Variants in NETO1 observed in about 807,000 individuals in gnomAD.
NETO1 encodes the protein neuropilin and tolloid-like protein 1.
NETO1 carries 26 observed loss-of-function variants against 61.3 expected under a neutral mutation model. The ratio of observed to expected loss-of-function variants is 0.42; its 90% confidence interval spans 0.31 to 0.59. The LOEUF is 0.59. Among genes scored for constraint, NETO1 ranks in the 20% least tolerant of loss-of-function variants. The pLI, the probability that NETO1 is intolerant of heterozygous loss-of-function variation, is 0.12. For synonymous variants in NETO1, 225 were observed against 225.8 expected, an observed-to-expected ratio of 1.00 and a Z score of 0.03; for missense variants, 531 against 662.8, an observed-to-expected ratio of 0.80 and a Z score of 2.18.
At chr18:72,810,008 G>A (rs556960041) in intron 4 of NETO1, among the ~76,000 whole-genome samples, 1 of 152,260 alleles carries the variant, frequency 6.6e-6, no homozygotes, top group South Asian at 2.1e-4. Context: ...ATCTAAATAT[G>A]TATGAAACTT....
At chr18:72,865,580 G>A (rs1292121533) in intron 1 of NETO1, 1 of 1,607,396 alleles carries the variant, frequency 6.2e-7, no homozygotes, top group East Asian at 2.2e-5. Context: ...TACCCTTAGG[G>A]AATGGCTCTG....
At chr18:72,863,484 G>A (rs2074642602) in intron 3 of NETO1, among the ~76,000 whole-genome samples, 1 of 152,168 alleles carries the variant, frequency 6.6e-6, no homozygotes, top group African/African-American at 2.4e-5. Flanking sequence ...CAGGTAGCGA[G>A]TACCTTTTCT....
chr18:72,777,339 A>G (rs2071581490), intron 7 of NETO1, among the ~76,000 whole-genome samples: 1 of 150,380 alleles, frequency 6.6e-6, no homozygotes, highest in South Asian at 2.1e-4. Context: ...AATAGCTTGA[A>G]CCCGGGAGGG....
rs374312554 is a variant in NETO1, at chr18:72,780,557, T to C, written c.868+3121A>G. ...GGTCTTTTCACCTAACCTACACAGA[T>C]GATTCCTCTATACCGTTCATGCCAG... On this transcript the variant is annotated intron_variant, in intron 7 of 10. Coordinates refer to ENST00000327305, the MANE Select transcript of NETO1 (RefSeq NM_138966.5). Among the ~76,000 whole-genome samples, 240 of 152,328 alleles carry C rather than the reference T, an allele frequency of 1.6e-3. 3 individuals carry two copies. Among genetic ancestry groups the C allele is most frequent in the African/African-American group, 5.3e-3 (220 of 41,564 alleles).
chr18:72,862,612 C>CTTTTTTTT (rs147165249), intron 3 of NETO1, among the ~76,000 whole-genome samples: 1 of 106,900 alleles, frequency 9.4e-6, no homozygotes, highest in African/African-American at 2.8e-5. Context: ...ACTCATGATC[C>CTTTTTTTT]TTTTTTTTTC....
chr18:72,838,929 C>T (rs8089082), intron 4 of NETO1, among the ~76,000 whole-genome samples: 149,515 of 152,260 alleles, frequency 0.98, 73,422 homozygotes, highest in East Asian at 1. Context: ...GAAAATTAAA[C>T]TCTGCTATAC....
intron 4 of NETO1, among the ~76,000 whole-genome samples, chr18:72,852,644 G>A (rs1459759644): frequency 6.6e-6 from 1 of 151,872 alleles, no homozygotes. Context: ...CTTTTCTCCT[G>A]AACACCCACC....
intron 6 of NETO1, among the ~76,000 whole-genome samples, chr18:72,790,364 T>G (rs1251017035): frequency 6.6e-6 from 1 of 152,124 alleles, no homozygotes; most frequent in Non-Finnish European, 1.5e-5. Flanking sequence ...TAAAATTAAT[T>G]TTTAAAAACC....
chr18:72,806,428 C>T (rs899078224), intron 4 of NETO1, among the ~76,000 whole-genome samples: 7 of 152,168 alleles, frequency 4.6e-5, no homozygotes, highest in Non-Finnish European at 8.8e-5. Flanking sequence ...AAATCTAATT[C>T]TCCACCTACC....
intron 4 of NETO1, among the ~76,000 whole-genome samples, chr18:72,799,474 T>C (rs2072429619): frequency 6.6e-6 from 1 of 152,340 alleles, no homozygotes; most frequent in African/African-American, 2.4e-5. Flanking sequence ...ATTAGTCATT[T>C]TGTGTCTGTA....
At chr18:72,864,729 G>T in intron 3 of NETO1, 79 bp downstream of exon 3, 2 of 1,562,968 alleles carry the variant, frequency 1.3e-6, no homozygotes, top group Non-Finnish European at 1.8e-6. Flanking sequence ...ATGCCTATAC[G>T]CATATTCTTC....
chr18:72,750,692 G>C (rs1199895909), intron 8 of NETO1, 72 bp from the exon 9 acceptor site: 9 of 1,065,882 alleles, frequency 8.4e-6, no homozygotes, highest in Non-Finnish European at 1.2e-5. Context: ...TAATATTATA[G>C]TCAAAATGTG....
chr18:72,785,929 G>C (rs763839498), intron 6 of NETO1, among the ~76,000 whole-genome samples: 8 of 152,130 alleles, frequency 5.3e-5, no homozygotes, highest in South Asian at 2.1e-4. Context: ...CAGCCTCCAT[G>C]TGATTTTGAA....
chr18:72,817,530 G>T (rs553706637), intron 4 of NETO1, among the ~76,000 whole-genome samples: 2 of 152,316 alleles, frequency 1.3e-5, no homozygotes, highest in African/African-American at 2.4e-5. Context: ...ACAAAGTAAA[G>T]ATTCGGTACA....
intron 4 of NETO1, among the ~76,000 whole-genome samples, chr18:72,849,007 G>A (rs2074172958): frequency 6.6e-6 from 1 of 152,048 alleles, no homozygotes; most frequent in African/African-American, 2.4e-5. Flanking sequence ...ATTCTGCTGA[G>A]ATGACTGACT....
intron 4 of NETO1, among the ~76,000 whole-genome samples, chr18:72,810,911 C>T (rs17086348): frequency 6.6e-6 from 1 of 152,102 alleles, no homozygotes; most frequent in South Asian, 2.1e-4. Context: ...TTATGGGATG[C>T]CTTCTGCTTT....
chr18:72,772,823 CTCTATATATATATATATA>C (rs1475828629), intron 7 of NETO1, among the ~76,000 whole-genome samples: 61 of 38,836 alleles, frequency 1.6e-3, no homozygotes, highest in African/African-American at 2.2e-3. Context: ...CTCTCTCTCT[CTCTATATATATATATATA>C]TATATATATA....
At chr18:72,825,892 T>A (rs557465336) in intron 4 of NETO1, among the ~76,000 whole-genome samples, 2 of 152,316 alleles carry the variant, frequency 1.3e-5, no homozygotes, top group South Asian at 2.1e-4. Flanking sequence ...AACACTAGAT[T>A]TTTTTAGTAA....
At position 72,867,575 on chromosome 18, in the gene NETO1, C is replaced by T; in HGVS notation, c.-284G>A. ...CCCACCGTGACGCTCGCATCACACCCGGGCGCCGGCCGCCACCATCCGCGC... is the reference window on the plus strand; with the variant it reads ...CCCACCGTGACGCTCGCATCACACCTGGGCGCCGGCCGCCACCATCCGCGC... On this transcript the variant is annotated 5_prime_UTR_variant, in exon 1 of 11. Coordinates refer to ENST00000327305, the MANE Select transcript of NETO1 (RefSeq NM_138966.5). 9.5e-6 allele frequency: 3 copies of T among 315,886 alleles called. No individual in the cohort carries two copies. Among genetic ancestry groups the T allele is most frequent in the Non-Finnish European group, 1.7e-5 (3 of 173,766 alleles). The allele number at this position is 315,886 out of a possible 1,614,324, so 19.6% of individuals were successfully genotyped here. A position where few individuals can be genotyped will look rare whatever the true frequency, so the allele number is the denominator to read the frequency against.
Sources: allele counts gnomAD v4.1 joint callset (sites outside exome capture counted in the v4.1 genomes callset), GRCh38; gene constraint gnomAD v4.1.1; transcripts MANE v1.5; gene names NCBI Gene and HGNC (gene_info 2026-07-23, HGNC 2026-07-21).